The following WAPL variants were observed in gnomAD, a reference collection of about 807,000 sequenced individuals.
WAPL encodes wings apart-like protein homolog.
A neutral mutation model predicts 121.0 loss-of-function variants in WAPL; 5 were observed. The observed-to-expected ratio is 0.04, with a 90% CI of 0.02 to 0.09. The LOEUF is 0.09. Among genes scored for constraint, WAPL ranks in the 10% least tolerant of loss-of-function variants. WAPL has a pLI of 1.00. For missense variants in WAPL, 999 were observed against 1,410.8 expected, an observed-to-expected ratio of 0.71 and a Z score of 4.68; for synonymous variants, 480 against 481.5, an observed-to-expected ratio of 1.00 and a Z score of 0.04.
chr10:86,481,545 G>C (rs1270362432), intron 4 of WAPL, among the ~76,000 whole-genome samples: 1 of 151,956 alleles, frequency 6.6e-6, no homozygotes, highest in Admixed American at 6.6e-5. Context: ...AGCTAATTTT[G>C]TATTTTTAGT....
At position 86,500,189 on chromosome 10, in the gene WAPL, C is replaced by A; in HGVS notation, c.1054G>T (p.Val352Phe). 1.2e-6 allele frequency: 2 copies of A among 1,614,224 alleles called. No individual in the cohort carries two copies. Among genetic ancestry groups the A allele is most frequent in the South Asian group, 2.2e-5 (2 of 91,082 alleles). ...VSCGTSFRGT[V>F]GRTRDYTVLH... ...ACAGTGTAATCTCTAGTCCGTCCAA[C>A]TGTCCCTCTAAAACTGGTCCCACAA... The change falls in exon 3 of 19, where the codon GTT becomes TTT. Residue 352 changes from valine (V) to phenylalanine (F), a missense_variant. By Grantham distance (50) the Val-to-Phe change is conservative. Around this residue, in one of 7 missense-constraint regions of WAPL, gnomAD observed 531 missense variants for 563.1 expected, o/e 0.94. Coordinates refer to ENST00000298767, the MANE Select transcript of WAPL (RefSeq NM_015045.5).
intron 2 of WAPL, among the ~76,000 whole-genome samples, chr10:86,512,683 C>A (rs1024167268): frequency 3.3e-5 from 5 of 152,014 alleles, no homozygotes; most frequent in East Asian, 1.9e-4. Flanking sequence ...TTTCTGTTTT[C>A]AAAATTAAAG....
chr10:86,473,836 G>A (rs1003881779), intron 5 of WAPL, 42 bp downstream of exon 5: 4 of 1,441,318 alleles, frequency 2.8e-6, no homozygotes, highest in Non-Finnish European at 3.9e-6. Flanking sequence ...TTAATTTATA[G>A]CTTATTAAAA....
intron 16 of WAPL, among the ~76,000 whole-genome samples, chr10:86,444,968 T>C (rs1444478208): frequency 1.3e-5 from 2 of 148,654 alleles, no homozygotes; most frequent in South Asian, 2.1e-4. Flanking sequence ...ATTACAATAT[T>C]AAAACTAATG....
At chr10:86,480,604 GAAAT>G (rs1459790542) in intron 4 of WAPL, among the ~76,000 whole-genome samples, 1 of 149,680 alleles carries the variant, frequency 6.7e-6, no homozygotes, top group Non-Finnish European at 1.5e-5. Context: ...ATCAAATTTA[GAAAT>G]AAAAAAACCG....
At chr10:86,497,644 C>T (rs3858278) in intron 3 of WAPL, among the ~76,000 whole-genome samples, 146,292 of 152,278 alleles carry the variant, frequency 0.96, 70,417 homozygotes, top group East Asian at 1. Context: ...GCTGGATATC[C>T]ATGGATACTG....
chr10:86,506,727 T>C (rs1235703281), intron 2 of WAPL, among the ~76,000 whole-genome samples: 2 of 151,946 alleles, frequency 1.3e-5, no homozygotes, highest in South Asian at 4.2e-4. Flanking sequence ...GAGTTTAAGG[T>C]TGCAGTGAGC....
intron 9 of WAPL, among the ~76,000 whole-genome samples, chr10:86,463,070 G>A (rs186235982): frequency 6.6e-6 from 1 of 152,176 alleles, no homozygotes; most frequent in Non-Finnish European, 1.5e-5. Flanking sequence ...TACTAATCAA[G>A]CATTTTATTT....
At chr10:86,473,772 CTG>C (rs1213146899) in intron 5 of WAPL, 104 bp downstream of exon 5, 4 of 864,860 alleles carry the variant, frequency 4.6e-6, no homozygotes, top group Non-Finnish European at 7.0e-6. Flanking sequence ...CCAAAATAAA[CTG>C]TTAAATAGAA....
chr10:86,512,847 T>C (rs989780829), intron 2 of WAPL, among the ~76,000 whole-genome samples: 6 of 132,356 alleles, frequency 4.5e-5, no homozygotes, highest in African/African-American at 1.5e-4. Flanking sequence ...ATCAAGTACA[T>C]GAGGTTTTTT....
intron 4 of WAPL, among the ~76,000 whole-genome samples, chr10:86,494,211 T>C (rs1842106285): frequency 6.6e-6 from 1 of 152,214 alleles, no homozygotes; most frequent in African/African-American, 2.4e-5. Flanking sequence ...GTTAATTTTA[T>C]TAAATCTCTA....
chr10:86,483,794 C>CTTTTTTTTTTTTTTTTTT (rs35725128), intron 4 of WAPL, among the ~76,000 whole-genome samples: 1 of 69,180 alleles, frequency 1.4e-5, no homozygotes, highest in African/African-American at 5.8e-5. Flanking sequence ...ATTTTTTTTT[C>CTTTTTTTTTTTTTTTTTT]TTTTTTTTTT....
chr10:86,446,812 T>G (rs1340476156), intron 15 of WAPL, among the ~76,000 whole-genome samples: 1 of 152,228 alleles, frequency 6.6e-6, no homozygotes, highest in Non-Finnish European at 1.5e-5. Flanking sequence ...TTCCCTATGC[T>G]GGTATAGTAC....
intron 4 of WAPL, among the ~76,000 whole-genome samples, chr10:86,479,155 A>C (rs575705231): frequency 6.6e-6 from 1 of 152,162 alleles, no homozygotes; most frequent in East Asian, 1.9e-4. Flanking sequence ...CAGAGGAAAG[A>C]AAGCATTCCT....
At chr10:86,495,109 A>G (rs1181130860) in intron 4 of WAPL, among the ~76,000 whole-genome samples, 2 of 152,220 alleles carry the variant, frequency 1.3e-5, no homozygotes, top group Non-Finnish European at 2.9e-5. Context: ...GGTACTGGCA[A>G]CCTCTAATTT....
intron 4 of WAPL, among the ~76,000 whole-genome samples, chr10:86,492,019 T>TC (rs1247478003): frequency 2.0e-5 from 3 of 152,198 alleles, no homozygotes; most frequent in Non-Finnish European, 4.4e-5. Flanking sequence ...CTGCCCTATT[T>TC]CCTCCCCCTC....
At position 86,471,031 on chromosome 10, in the gene WAPL, T is replaced by C; in HGVS notation, c.2103A>G (p.Ala701=). 6.2e-7 allele frequency: 1 copy of C among 1,614,004 alleles called. No homozygotes were observed. Among genetic ancestry groups the C allele is most frequent in the Non-Finnish European group, 8.5e-7 (1 of 1,179,956 alleles). Residue 701 remains alanine, a synonymous_variant, in exon 8 of 19, where the codon GCA becomes GCG. Transcript: ENST00000298767. ...AATCATCCAAGGTTTTAAAGACCAT[T>C]GCTACCATCCCATGTGCTCTCAGGT... ...RMHLRAHGMV[A]MVFKTLDDSQ...
At chr10:86,453,478 G>T in intron 13 of WAPL, 143 bp from the exon 14 acceptor site, 2 of 1,172,646 alleles carry the variant, frequency 1.7e-6, no homozygotes, top group Non-Finnish European at 2.4e-6. Context: ...TCTGGGTCAA[G>T]CTACTAGGCT....
intron 2 of WAPL, among the ~76,000 whole-genome samples, chr10:86,514,380 T>A (rs1842518005): frequency 6.6e-6 from 1 of 152,168 alleles, no homozygotes; most frequent in Admixed American, 6.5e-5. Context: ...TCACTTCTTA[T>A]CCTACAGGGA....
Sources: gnomAD v4.1 joint callset for allele counts (sites outside exome capture counted in the v4.1 genomes callset) on GRCh38, gnomAD v4.1.1 for gene constraint, gnomAD v4.1.1 regional missense constraint, MANE v1.5 for transcripts, NCBI Gene and HGNC (gene_info 2026-07-23, HGNC 2026-07-21) for gene names.